MAF: variants seen among roughly 807,000 people sequenced by gnomAD.
MAF encodes transcription factor Maf.
In MAF, 10 loss-of-function variants were observed where a neutral mutation model predicts 22.0. The ratio of observed to expected loss-of-function variants is 0.45; its 90% confidence interval spans 0.28 to 0.77. The LOEUF is 0.77. MAF is among the 30% of genes least tolerant of loss of function. MAF has a pLI of 0.12. For synonymous variants in MAF, 337 were observed against 255.8 expected, an observed-to-expected ratio of 1.32 and a Z score of -3.03; for missense variants, 544 against 548.4, an observed-to-expected ratio of 0.99 and a Z score of 0.08.
intron 1 of MAF, chr16:79,594,953 C>T (rs1176236921): frequency 1.1e-5 from 12 of 1,097,454 alleles, no homozygotes; most frequent in Non-Finnish European, 1.2e-5. Context: ...ACTATATTTT[C>T]CTTCCAATCC....
the MAF span, among the ~76,000 whole-genome samples, chr16:79,216,726 T>C: frequency 2.0e-5 from 3 of 152,134 alleles, no homozygotes; most frequent in South Asian, 6.2e-4. Context: ...GGTAACCCCA[T>C]AGTAAGTTGA....
chr16:79,451,766 G>A, the MAF span, among the ~76,000 whole-genome samples: 1 of 152,100 alleles, frequency 6.6e-6, no homozygotes, highest in Non-Finnish European at 1.5e-5. Flanking sequence ...CCTTCCCCAA[G>A]GCTTCTAAAG....
the MAF span, among the ~76,000 whole-genome samples, chr16:79,531,246 C>T: frequency 3.9e-5 from 6 of 152,098 alleles, no homozygotes; most frequent in Admixed American, 2.0e-4. Flanking sequence ...AAAAGAAAGG[C>T]AGTGGAGTTA....
chr16:79,302,700 T>C, the MAF span, among the ~76,000 whole-genome samples: 2 of 152,244 alleles, frequency 1.3e-5, no homozygotes, highest in South Asian at 2.1e-4. Flanking sequence ...AGACCTTTTA[T>C]CCATACTCAG....
At chr16:79,369,123 A>T in the MAF span, among the ~76,000 whole-genome samples, 1 of 152,248 alleles carries the variant, frequency 6.6e-6, no homozygotes, top group Non-Finnish European at 1.5e-5. Flanking sequence ...AAGCCTCACT[A>T]TCAACTCTTC....
chr16:79,309,753 C>T, the MAF span, among the ~76,000 whole-genome samples: 9 of 152,162 alleles, frequency 5.9e-5, no homozygotes, highest in African/African-American at 9.7e-5. Context: ...TATCTCCCTC[C>T]CAGCCAGGCA....
chr16:79,444,748 T>C, the MAF span, among the ~76,000 whole-genome samples: 14 of 152,310 alleles, frequency 9.2e-5, no homozygotes, highest in African/African-American at 3.4e-4. Context: ...AATGCTGCTT[T>C]GAAGGACTTT....
At chr16:79,211,342 T>C in the MAF span, among the ~76,000 whole-genome samples, 9,783 of 152,228 alleles carry the variant, frequency 0.064, 438 homozygotes, top group East Asian at 0.23. Flanking sequence ...TTGATATGTG[T>C]ATTTATTTTC....
the MAF span, among the ~76,000 whole-genome samples, chr16:79,375,867 G>A: frequency 6.6e-6 from 1 of 152,144 alleles, no homozygotes. Flanking sequence ...CATCATGGTG[G>A]AGAACAAAGG....
chr16:79,565,585 A>C, the MAF span, among the ~76,000 whole-genome samples: 30,820 of 151,922 alleles, frequency 0.2, 3,441 homozygotes, highest in South Asian at 0.27. Flanking sequence ...GTGAGTTCTC[A>C]TGAGATCTGA....
chr16:79,502,468 C>A, the MAF span, among the ~76,000 whole-genome samples: 1 of 151,810 alleles, frequency 6.6e-6, no homozygotes. Context: ...AAATTCGAGA[C>A]CACTCTGGGC....
At chr16:79,358,395 G>A in the MAF span, among the ~76,000 whole-genome samples, 3 of 152,036 alleles carry the variant, frequency 2.0e-5, no homozygotes, top group African/African-American at 7.2e-5. Context: ...GACCTCCCTC[G>A]TTCACTGATC....
the MAF span, among the ~76,000 whole-genome samples, chr16:79,361,137 T>C: frequency 6.6e-6 from 1 of 152,240 alleles, no homozygotes; most frequent in Non-Finnish European, 1.5e-5. Flanking sequence ...GAATCAGTAG[T>C]ACAGATAAAC....
chr16:79,257,050 G>A, the MAF span, among the ~76,000 whole-genome samples: 6 of 152,122 alleles, frequency 3.9e-5, no homozygotes, highest in Non-Finnish European at 5.9e-5. Context: ...GGTGGTGGGC[G>A]CCTGTAGTCT....
chr16:79,599,405 G>A lies in MAF; in HGVS notation c.498C>T (p.Ala166=). 1.8e-6 allele frequency: 2 copies of A among 1,126,772 alleles called. No individual in the cohort carries two copies. Among genetic ancestry groups the A allele is most frequent in the Non-Finnish European group, 2.2e-6 (2 of 922,422 alleles). The allele number at this position is 1,126,772 out of a possible 1,614,324, so 69.8% of individuals were successfully genotyped here. A position where few individuals can be genotyped will look rare whatever the true frequency, so the allele number is the denominator to read the frequency against. Residue 166 remains alanine, a synonymous_variant, in exon 1 of 2, where the codon GCC becomes GCT. Transcript: ENST00000326043. ...TCTGCGCGGCGGCCGCGGCGATCAC[G>A]GCGGACACCACGGCGGCGGCGGGGC... ...EMGPAAAVVS[A]VIAAAAAQSG...
At chr16:79,378,123 T>A in the MAF span, among the ~76,000 whole-genome samples, 13 of 152,288 alleles carry the variant, frequency 8.5e-5, no homozygotes, top group Non-Finnish European at 1.8e-4. Context: ...TTGGGAAGTA[T>A]GGCCATTTTC....
the MAF span, among the ~76,000 whole-genome samples, chr16:79,419,861 A>G: frequency 5.4e-4 from 82 of 152,192 alleles, no homozygotes; most frequent in Non-Finnish European, 1.0e-3. Flanking sequence ...CTTACTTTGC[A>G]AACTTTGCTT....
chr16:79,288,730 G>GT, the MAF span, among the ~76,000 whole-genome samples: 32 of 152,052 alleles, frequency 2.1e-4, no homozygotes, highest in Non-Finnish European at 4.0e-4. Context: ...TAAGCAGTGT[G>GT]TTGTTTGTTT....
At chr16:79,406,739 C>T in the MAF span, among the ~76,000 whole-genome samples, 3 of 152,076 alleles carry the variant, frequency 2.0e-5, no homozygotes, top group African/African-American at 7.2e-5. Flanking sequence ...TTCCTATGAC[C>T]CCAAAGCCTG....
Sources: gnomAD v4.1 joint callset for allele counts (sites outside exome capture counted in the v4.1 genomes callset) on GRCh38, gnomAD v4.1.1 for gene constraint, MANE v1.5 for transcripts, NCBI Gene and HGNC (gene_info 2026-07-23, HGNC 2026-07-21) for gene names.